Variants in CDK17 observed in about 807,000 individuals in gnomAD.
The protein encoded by CDK17 is cyclin dependent kinase 17, also known as cyclin-dependent kinase 17.
In CDK17, 24 loss-of-function variants were observed where a neutral mutation model predicts 77.6. That is an observed-to-expected ratio of 0.31 (90% confidence interval 0.22 to 0.44). The LOEUF (loss-of-function observed/expected upper bound fraction) is 0.44, where lower values mean the gene tolerates loss of function less well. Ranked by LOEUF, CDK17 falls within the 20% of genes least tolerant of loss-of-function variation. The pLI, the probability that CDK17 is intolerant of heterozygous loss-of-function variation, is 1.00. For synonymous variants in CDK17, 203 were observed against 210.4 expected (o/e 0.96, Z 0.30); for missense variants, 429 against 622.5 (o/e 0.69, Z 3.31).
At chr12:96,312,948 A>C (rs1952662941) in intron 4 of CDK17, among the ~76,000 whole-genome samples, 1 of 152,184 alleles carries the variant, frequency 6.6e-6, no homozygotes, top group African/African-American at 2.4e-5. Flanking sequence ...ATCCAGATGA[A>C]TCTCAAAAAT....
chr12:96,327,091 G>T (rs933086890), intron 2 of CDK17, among the ~76,000 whole-genome samples: 1 of 152,086 alleles, frequency 6.6e-6, no homozygotes, highest in Non-Finnish European at 1.5e-5. Context: ...GTGGTTATAC[G>T]AATCAACACA....
At chr12:96,318,932 C>A (rs1645642531) in intron 3 of CDK17, among the ~76,000 whole-genome samples, 1 of 130,626 alleles carries the variant, frequency 7.7e-6, no homozygotes, top group African/African-American at 2.9e-5. Context: ...TAGCAGAAGG[C>A]AAGAAATAAC....
At chr12:96,309,421 C>T (rs1952618686) in intron 5 of CDK17, among the ~76,000 whole-genome samples, 1 of 152,170 alleles carries the variant, frequency 6.6e-6, no homozygotes, top group South Asian at 2.1e-4. Flanking sequence ...TGTATCTCTA[C>T]TACAGGACTA....
chr12:96,345,507 A>G (rs1393537106), intron 1 of CDK17, among the ~76,000 whole-genome samples: 1 of 152,196 alleles, frequency 6.6e-6, no homozygotes, highest in Non-Finnish European at 1.5e-5. Flanking sequence ...TTGACATTTT[A>G]GTAATCGCCA....
At chr12:96,334,964 T>A (rs1319318037) in intron 1 of CDK17, 99 bp from the exon 2 acceptor site, 10 of 691,120 alleles carry the variant, frequency 1.4e-5, no homozygotes, top group Non-Finnish European at 2.6e-5. Flanking sequence ...AATAGGAATA[T>A]AATGAGGAAT....
chr12:96,346,810 G>A (rs369518247), intron 1 of CDK17, among the ~76,000 whole-genome samples: 97 of 151,928 alleles, frequency 6.4e-4, no homozygotes, highest in African/African-American at 2.3e-3. Context: ...AGCTACTCAG[G>A]AGGCTGAAGC....
At position 96,400,145 on chromosome 12, in the gene CDK17, T is replaced by C. The variant is rs1351806534; in HGVS notation, c.-189A>G. The C allele has an allele frequency of 2.5e-6, 1 of 394,050 alleles. No individual in the cohort carries two copies. Among genetic ancestry groups the C allele is most frequent in the African/African-American group, 2.1e-5 (1 of 48,342 alleles). 24.4% of individuals were successfully genotyped at this position (394,050 alleles called of 1,614,324 possible). ...CAGGCCTCCGCCGCCACAGCCGCCT[T>C]CCGGCTCTCGCCGCGGGTCCGGAGC... On this transcript the variant is annotated 5_prime_UTR_variant, in exon 1 of 17. Coordinates refer to ENST00000261211, the MANE Select transcript of CDK17 (RefSeq NM_002595.5).
intron 10 of CDK17, among the ~76,000 whole-genome samples, chr12:96,289,830 G>A (rs1952298272): frequency 6.6e-6 from 1 of 152,156 alleles, no homozygotes; most frequent in Non-Finnish European, 1.5e-5. Context: ...AAATTACAGT[G>A]CTGTTCTGTA....
At chr12:96,341,135 A>T (rs1458073878) in intron 1 of CDK17, among the ~76,000 whole-genome samples, 1 of 152,164 alleles carries the variant, frequency 6.6e-6, no homozygotes, top group Non-Finnish European at 1.5e-5. Flanking sequence ...GAATAAATGG[A>T]TGAATCTGGA....
intron 1 of CDK17, among the ~76,000 whole-genome samples, chr12:96,368,532 G>A (rs925420013): frequency 6.6e-6 from 1 of 152,140 alleles, no homozygotes. Flanking sequence ...TCTGGGCACC[G>A]TGCCTCCTAA....
intron 1 of CDK17, among the ~76,000 whole-genome samples, chr12:96,394,626 C>T (rs1028021811): frequency 2.0e-5 from 3 of 151,800 alleles, no homozygotes; most frequent in Admixed American, 2.0e-4. Flanking sequence ...ACCAGCCTGG[C>T]CAACATGGTG....
chr12:96,341,853 T>C (rs1277557584), intron 1 of CDK17, among the ~76,000 whole-genome samples: 3 of 152,186 alleles, frequency 2.0e-5, no homozygotes, highest in Non-Finnish European at 4.4e-5. Context: ...GCATACAATT[T>C]CACCTTATAG....
At chr12:96,387,557 C>T (rs1264634044) in intron 1 of CDK17, among the ~76,000 whole-genome samples, 1 of 152,150 alleles carries the variant, frequency 6.6e-6, no homozygotes, top group Non-Finnish European at 1.5e-5. Context: ...TACTAAGCAT[C>T]CAGGCAGATT....
Position 96,391,847 on chromosome 12 carries a change from T to C in CDK17, c.-30+8139A>G, listed in dbSNP as rs144489703. Among the ~76,000 whole-genome samples the C allele has an allele frequency of 8.5e-5, 13 of 152,288 alleles. No homozygotes were observed. In the East Asian group the frequency reaches 2.5e-3, roughly 29 times the overall value. ...AAGTTGGCCTACAAACTGCTCTAGA[T>C]TGCTCTCACACAAATACCACCAAAA... On this transcript the variant is annotated intron_variant, in intron 1 of 16. Coordinates refer to ENST00000261211, the MANE Select transcript of CDK17 (RefSeq NM_002595.5).
chr12:96,311,388 T>A (rs1952643975), intron 4 of CDK17, among the ~76,000 whole-genome samples: 1 of 151,756 alleles, frequency 6.6e-6, no homozygotes, highest in South Asian at 2.1e-4. Context: ...AGAAATGAAA[T>A]TTTGCAACCT....
chr12:96,354,054 A>C (rs1953358050), intron 1 of CDK17, among the ~76,000 whole-genome samples: 2 of 152,340 alleles, frequency 1.3e-5, no homozygotes, highest in South Asian at 4.1e-4. Flanking sequence ...GGCAAAGTGT[A>C]ATCAACCCAG....
intron 1 of CDK17, among the ~76,000 whole-genome samples, chr12:96,342,997 C>T (rs1953144245): frequency 1.3e-5 from 2 of 152,062 alleles, no homozygotes; most frequent in African/African-American, 4.8e-5. Context: ...GTGTTCAAAT[C>T]TGAGGCTGAT....
intron 2 of CDK17, among the ~76,000 whole-genome samples, chr12:96,332,301 A>G (rs1354165101): frequency 6.6e-6 from 1 of 152,230 alleles, no homozygotes; most frequent in Non-Finnish European, 1.5e-5. Context: ...ACTGTTAAGC[A>G]ATGCATGACT....
Position 96,382,871 on chromosome 12 carries a change from C to A in CDK17, c.-30+17115G>T, listed in dbSNP as rs143634835. On this transcript the variant is annotated intron_variant, in intron 1 of 16. Coordinates refer to ENST00000261211, the MANE Select transcript of CDK17 (RefSeq NM_002595.5). ...TGAGAACTGGAACAAGACAAAGATGCCCACTCTCACCACTCCTATTCAACA... is the reference window on the plus strand; with the variant it reads ...TGAGAACTGGAACAAGACAAAGATGACCACTCTCACCACTCCTATTCAACA... 5.3e-3 allele frequency among the ~76,000 whole-genome samples: 810 copies of A among 152,162 alleles called. 6 individuals are homozygous for A. The highest frequency in any genetic ancestry group is 0.019 in the African/African-American group (780 of 41,500).
Sources: gnomAD v4.1 joint callset for allele counts (sites outside exome capture counted in the v4.1 genomes callset) on GRCh38, gnomAD v4.1.1 for gene constraint, MANE v1.5 for transcripts, NCBI Gene and HGNC (gene_info 2026-07-23, HGNC 2026-07-21) for gene names.